Variants in GOLGA3 observed in about 807,000 individuals in gnomAD.
The protein encoded by GOLGA3 is golgin A3.
In GOLGA3, 75 loss-of-function variants were observed where a neutral mutation model predicts 169.4. The observed-to-expected ratio is 0.44, with a 90% CI of 0.37 to 0.54. The LOEUF (loss-of-function observed/expected upper bound fraction) is 0.54. GOLGA3 is among the 20% of genes least tolerant of loss of function. The pLI is 0.00. For missense variants in GOLGA3, 1,899 were observed against 1,930.0 expected, an observed-to-expected ratio of 0.98 and a Z score of 0.30; for synonymous variants, 824 against 822.4, an observed-to-expected ratio of 1.00 and a Z score of -0.03.
intron 18 of GOLGA3, among the ~76,000 whole-genome samples, chr12:132,780,267 T>G (rs1249466381): frequency 6.6e-6 from 1 of 152,154 alleles, no homozygotes; most frequent in African/African-American, 2.4e-5. Context: ...GTAGCTGCTC[T>G]GTGCCAGGTA....
chr12:132,812,389 G>C (rs1423439438), intron 4 of GOLGA3, among the ~76,000 whole-genome samples: 1 of 152,062 alleles, frequency 6.6e-6, no homozygotes, highest in Non-Finnish European at 1.5e-5. Context: ...TATTACTTAA[G>C]AAATACCTTC....
chr12:132,778,558 G>A (rs943113915), intron 18 of GOLGA3, among the ~76,000 whole-genome samples: 9 of 151,604 alleles, frequency 5.9e-5, no homozygotes, highest in South Asian at 2.1e-4. Context: ...GCGACAGAGC[G>A]AGACTCCATC....
chr12:132,813,074 C>A (rs1949793550), intron 4 of GOLGA3, among the ~76,000 whole-genome samples: 1 of 152,214 alleles, frequency 6.6e-6, no homozygotes, highest in African/African-American at 2.4e-5. Flanking sequence ...TGCTTTATTG[C>A]AATGTTTACA....
rs940714475 is a variant in GOLGA3 at position 132,779,520 on chromosome 12, T to C, written c.3582+1278A>G. ...TAAAGGTTGTGGCAAAGCCAGGTCATAGGAACGAAAGCAGCTTCACTGTTA... is the reference window on the plus strand; with the variant it reads ...TAAAGGTTGTGGCAAAGCCAGGTCACAGGAACGAAAGCAGCTTCACTGTTA... On this transcript the variant is annotated intron_variant, in intron 18 of 23. Coordinates refer to ENST00000450791, the MANE Select transcript of GOLGA3 (RefSeq NM_001389683.1). 3.9e-5 allele frequency among the ~76,000 whole-genome samples: 6 copies of C among 152,266 alleles called. No homozygotes were observed. The South Asian group carries it at 1.2e-3, about 31-fold the overall frequency.
intron 6 of GOLGA3, among the ~76,000 whole-genome samples, 153 bp from the exon 7 acceptor site, chr12:132,805,175 G>C (rs1406405883): frequency 1.4e-5 from 2 of 143,522 alleles, no homozygotes; most frequent in African/African-American, 5.2e-5. Flanking sequence ...AGGACCCCAA[G>C]ACCCCCAGGC....
In GOLGA3 at chr12:132,807,928, C is replaced by A. The variant is rs200628173; in HGVS notation, c.1141G>T (p.Gly381Trp). ...EHQDQGQEVN[G>W]EVRSRRDSIC... ...CTGTCTCTCCGACTCCGCACCTCCC[C>A]GTTGACCTCCTGCCCCTGGTCTTGG... Residue 381 changes from glycine (G) to tryptophan (W), a missense_variant, in exon 5 of 24, where the codon GGG (glycine) becomes TGG (tryptophan). By Grantham distance (184) the Gly-to-Trp change is radical. Coordinates refer to ENST00000450791, the MANE Select transcript of GOLGA3 (RefSeq NM_001389683.1). The A allele has an allele frequency of 1.9e-6, 3 of 1,612,802 alleles. No individual in the cohort carries two copies. The highest frequency in any genetic ancestry group is 1.7e-6 in the Non-Finnish European group (2 of 1,179,704).
Position 132,782,453 on chromosome 12 carries a change from A to G in GOLGA3, c.3308T>C (p.Leu1103Pro). Residue 1103 changes from leucine to proline, a missense_variant, in exon 17 of 24, where the codon CTT (leucine) becomes CCT (proline). Leu to Pro is a moderately conservative substitution (Grantham distance 98). Coordinates refer to ENST00000450791, the MANE Select transcript of GOLGA3 (RefSeq NM_001389683.1). ...SRGFRKKIKR[L>P]EESNKKLALE... ...AGCCAACTTCTTGTTTGACTCCTCA[A>G]GGCGTTTTATCTTCTTCCTAAAGCC... The G allele has an allele frequency of 6.2e-7, 1 of 1,614,174 alleles. No individual in the cohort carries two copies. Among genetic ancestry groups the G allele is most frequent in the South Asian group, 1.1e-5 (1 of 91,088 alleles).
Position 132,777,101 on chromosome 12 carries a change from AAAAC to A in GOLGA3, c.3723-15_3723-12del. The A allele has an allele frequency of 6.4e-7, 1 of 1,570,134 alleles. No individual in the cohort carries two copies. Among genetic ancestry groups the A allele is most frequent in the Non-Finnish European group, 8.6e-7 (1 of 1,161,480 alleles). On this transcript the variant is annotated splice_polypyrimidine_tract_variant and intron_variant, in intron 19 of 23. Transcript: ENST00000450791. The surrounding 1 kb of genome is among the most constrained non-coding windows in gnomAD (Gnocchi z 4.7). ...TTCCCCTCCCGAATCCTAGCGTAAA[AAAAC>A]AAGAAAGAAGGGAATCGCCACGCTC... is the stretch of plus-strand genomic sequence containing the variant.
chr12:132,826,515 C>T (rs1053733348), intron 1 of GOLGA3, among the ~76,000 whole-genome samples: 12 of 151,882 alleles, frequency 7.9e-5, no homozygotes, highest in African/African-American at 2.9e-4. Flanking sequence ...CCAACCGCAC[C>T]GAGCTGAGTC....
chr12:132,807,151 T>G, intron 6 of GOLGA3, 26 bp downstream of exon 6: 132 of 1,384,642 alleles, frequency 9.5e-5, no homozygotes, highest in Middle Eastern at 3.5e-4. Flanking sequence ...CGCCGCACGC[T>G]GAGATGTCAG....
rs554906454 is a variant in GOLGA3, at chr12:132,787,633, G to A, written c.2812-846C>T. 4.3e-3 allele frequency among the ~76,000 whole-genome samples: 184 copies of A among 42,570 alleles called. 14 individuals are homozygous for A. Among genetic ancestry groups the A allele is most frequent in the African/African-American group, 0.013 (177 of 13,308 alleles). 27.9% of individuals were successfully genotyped at this position (42,570 alleles called of 152,430 possible). A position where few individuals can be genotyped will look rare whatever the true frequency, so the allele number is the denominator to read the frequency against. On this transcript the variant is annotated intron_variant, in intron 13 of 23. Transcript: ENST00000450791. ...CCCGGAGACCCCGGGACCCCTCCCC[G>A]GAGACCACGGGACCCCTCCCCGGAG...
intron 9 of GOLGA3, among the ~76,000 whole-genome samples, chr12:132,797,986 C>T (rs983261144): frequency 1.1e-4 from 16 of 152,230 alleles, no homozygotes; most frequent in African/African-American, 3.9e-4. Flanking sequence ...CTGTACCCAG[C>T]GCCATCCCTG....
intron 3 of GOLGA3, among the ~76,000 whole-genome samples, chr12:132,814,877 C>T (rs750025888): frequency 9.2e-5 from 14 of 152,242 alleles, no homozygotes; most frequent in Non-Finnish European, 1.8e-4. Context: ...TACGTGCCAA[C>T]GTGTTATAGT....
intron 15 of GOLGA3, among the ~76,000 whole-genome samples, chr12:132,785,305 CTTGAT>C (rs568172239): frequency 1.1e-3 from 174 of 152,270 alleles, no homozygotes; most frequent in Middle Eastern, 3.4e-3. Context: ...AGAGGAAGCA[CTTGAT>C]TTATTTATTG....
At chr12:132,805,115 G>A in intron 6 of GOLGA3, 93 bp from the exon 7 acceptor site, 3 of 1,386,230 alleles carry the variant, frequency 2.2e-6, no homozygotes, top group African/African-American at 1.4e-5. Flanking sequence ...GTCAGTCAGG[G>A]CCTGACAGGG....
intron 1 of GOLGA3, chr12:132,827,692 C>A: frequency 6.6e-6 from 1 of 152,110 alleles, no homozygotes; most frequent in Non-Finnish European, 1.5e-5. Context: ...TTATTTCCTT[C>A]TTGCCATTTA....
Position 132,779,984 on chromosome 12 carries a change from G to A in GOLGA3, c.3582+814C>T, listed in dbSNP as rs1426250800. 1.0e-4 allele frequency among the ~76,000 whole-genome samples: 9 copies of A among 90,272 alleles called. No individual in the cohort carries two copies. The Admixed American group carries it at 1.3e-3, about 13-fold the overall frequency. The allele number at this position is 90,272 out of a possible 152,430, so 59.2% of individuals were successfully genotyped here. A position where few individuals can be genotyped will look rare whatever the true frequency, so the allele number is the denominator to read the frequency against. On this transcript the variant is annotated intron_variant, in intron 18 of 23. Transcript: ENST00000450791. ...CACAACCCTTCCACGCACAGCCCGC[G>A]TGCACACACACCCCAGGCACACACG...
At chr12:132,821,974 A>C (rs760819901) in intron 2 of GOLGA3, 22 bp downstream of exon 2, 1 of 1,561,678 alleles carries the variant, frequency 6.4e-7, no homozygotes. Context: ...TGACCAGCAC[A>C]CAGAGGAACC....
intron 18 of GOLGA3, among the ~76,000 whole-genome samples, chr12:132,778,705 G>C (rs1267526991): frequency 6.6e-6 from 1 of 151,602 alleles, no homozygotes; most frequent in African/African-American, 2.4e-5. Flanking sequence ...GACCATCCTG[G>C]CTAATATGGT....
Sources: gnomAD v4.1 joint callset for allele counts (sites outside exome capture counted in the v4.1 genomes callset) on GRCh38, gnomAD v4.1.1 for gene constraint, Gnocchi (gnomAD v3.1) non-coding constraint, MANE v1.5 for transcripts, NCBI Gene and HGNC (gene_info 2026-07-23, HGNC 2026-07-21) for gene names.